SESN1: variants seen among roughly 807,000 people sequenced by gnomAD.
SESN1 encodes the protein sestrin-1.
SESN1 carries 30 observed loss-of-function variants against 59.3 expected under a neutral mutation model. That is an observed-to-expected ratio of 0.51 (90% CI 0.38 to 0.69). SESN1 has a LOEUF of 0.69. Among genes scored for constraint, SESN1 ranks in the 30% least tolerant of loss-of-function variants. The pLI, the probability that SESN1 is intolerant of heterozygous loss-of-function variation, is 0.00. For missense variants in SESN1, 566 were observed against 673.0 expected, an observed-to-expected ratio of 0.84 and a Z score of 1.76; for synonymous variants, 197 against 219.9, an observed-to-expected ratio of 0.90 and a Z score of 0.92.
chr6:109,001,144 AAT>A lies in SESN1; in HGVS notation c.546+142_546+143del. Reference sequence around the variant, plus strand: ...ATACTTGAGAGCGTACTTATTTAAAAATAGGAAAAACAGAGACTGTGCAACAG... The same window carrying A: ...ATACTTGAGAGCGTACTTATTTAAAAAGGAAAAACAGAGACTGTGCAACAG... On this transcript the variant is annotated intron_variant, in intron 3 of 9. Transcript: ENST00000436639. The A allele has an allele frequency of 6.9e-6, 5 of 729,036 alleles. No homozygotes were observed. In the South Asian group the frequency reaches 1.0e-4, roughly 15 times the overall value. 45.2% of individuals were successfully genotyped at this position (729,036 alleles called of 1,614,324 possible). A position where few individuals can be genotyped will look rare whatever the true frequency, so the allele number is the denominator to read the frequency against.
At chr6:109,035,470 C>T (rs1312623649) in intron 1 of SESN1, among the ~76,000 whole-genome samples, 2 of 151,640 alleles carry the variant, frequency 1.3e-5, no homozygotes, top group South Asian at 2.1e-4. Context: ...TAGGAAGAAC[C>T]TTAGTACTGG....
intron 1 of SESN1, among the ~76,000 whole-genome samples, chr6:109,058,072 A>C (rs1420907013): frequency 6.6e-6 from 1 of 151,724 alleles, no homozygotes; most frequent in African/African-American, 2.4e-5. Context: ...CTATGTTTAG[A>C]TATATTAATT....
In SESN1 at chr6:108,992,865, A is replaced by G. The variant is rs769126190; in HGVS notation, c.1155T>C (p.Ser385=). The G allele has an allele frequency of 2.8e-5, 45 of 1,613,418 alleles. No homozygotes were observed. Among genetic ancestry groups the G allele is most frequent in the Non-Finnish European group, 3.5e-5 (41 of 1,179,634 alleles). The change falls in exon 7 of 10, where the codon TCT becomes TCC. Residue 385 remains serine, a synonymous_variant. Transcript: ENST00000436639. The part of the protein sequence containing the change: ...DEEVTPARAV[S]RHFEDTSYGY... ...CATAACTAGTATCCTCAAAATGACG[A>G]GATACAGCTCTTGCTGGTGTAACTT...
At position 108,986,932 on chromosome 6, in the gene SESN1, T is replaced by C. The variant is rs1239750929; in HGVS notation, c.*612A>G. ...GAATTTAAAAAACTAATGAAAGAAA[T>C]TAACTGTTACCATCAAAATGGTTGT... On this transcript the variant is annotated 3_prime_UTR_variant, in exon 10 of 10. Coordinates refer to ENST00000436639, the MANE Select transcript of SESN1 (RefSeq NM_014454.3). 2 of 152,614 alleles carry C rather than the reference T, an allele frequency of 1.3e-5. No individual in the cohort carries two copies. The highest frequency in any genetic ancestry group is 2.9e-5 in the Non-Finnish European group (2 of 68,044). 9.5% of individuals were successfully genotyped at this position (152,614 alleles called of 1,614,324 possible).
intron 6 of SESN1, among the ~76,000 whole-genome samples, chr6:108,994,194 G>A (rs551091960): frequency 4.7e-5 from 7 of 147,740 alleles, no homozygotes; most frequent in Non-Finnish European, 1.0e-4. Flanking sequence ...TATGTTAAGT[G>A]ACTAAGCCAA....
At chr6:109,007,324 G>A (rs1363346464) in intron 1 of SESN1, among the ~76,000 whole-genome samples, 3 of 152,172 alleles carry the variant, frequency 2.0e-5, no homozygotes, top group Non-Finnish European at 2.9e-5. Flanking sequence ...TTATGCATCT[G>A]TATCAATATC....
Position 108,986,261 on chromosome 6 carries a change from A to C in SESN1, c.*1283T>G, listed in dbSNP as rs978333935. Among the ~76,000 whole-genome samples, 1 of 152,186 alleles carries C rather than the reference A, an allele frequency of 6.6e-6. No individual in the cohort carries two copies. Among genetic ancestry groups the C allele is most frequent in the African/African-American group, 2.4e-5 (1 of 41,444 alleles). Reference sequence around the variant, plus strand: ...GCCATACCAGTCATTTCCAAGATAAAAATGGTCTCAGATAAGATTCTAAAG... The same window carrying C: ...GCCATACCAGTCATTTCCAAGATAACAATGGTCTCAGATAAGATTCTAAAG... On this transcript the variant is annotated 3_prime_UTR_variant, in exon 10 of 10. Coordinates refer to ENST00000436639, the MANE Select transcript of SESN1 (RefSeq NM_014454.3).
chr6:108,998,541 A>G lies in SESN1; in HGVS notation c.944T>C (p.Met315Thr), dbSNP rs1328647386. 1.2e-6 allele frequency: 2 copies of G among 1,613,806 alleles called. No individual in the cohort carries two copies. Residue 315 changes from methionine to threonine, a missense_variant, in exon 5 of 10, where the codon ATG becomes ACG. Transcript: ENST00000436639. ...AACATTTTCTGCTGAGTTGACCGGC[A>G]TCTCATCCACACTGTGATTGCCATT... ...ITNGNHSVDE[M>T]PVNSAENVSV... is the part of the protein sequence containing the mutation.
intron 5 of SESN1, among the ~76,000 whole-genome samples, chr6:108,997,379 T>C (rs1206108085): frequency 1.3e-5 from 2 of 152,208 alleles, no homozygotes; most frequent in African/African-American, 4.8e-5. Flanking sequence ...ACTGCCAAGC[T>C]TTGAAAAATA....
At chr6:109,010,880 G>C (rs1035371130) in intron 1 of SESN1, among the ~76,000 whole-genome samples, 6 of 152,142 alleles carry the variant, frequency 3.9e-5, no homozygotes, top group African/African-American at 1.4e-4. Flanking sequence ...AACAAACCCA[G>C]TACATCATGC....
chr6:109,066,221 T>C (rs1780822886), intron 1 of SESN1, among the ~76,000 whole-genome samples: 1 of 151,970 alleles, frequency 6.6e-6, no homozygotes, highest in Non-Finnish European at 1.5e-5. Flanking sequence ...TCTACCAAAC[T>C]CTTTCCCTAG....
chr6:108,996,020 A>G (rs769161830), intron 5 of SESN1, among the ~76,000 whole-genome samples: 11 of 152,136 alleles, frequency 7.2e-5, no homozygotes, highest in African/African-American at 4.8e-5. Context: ...CAGAGGACCA[A>G]TCATAATTTA....
At chr6:109,059,321 T>C (rs1479412743) in intron 1 of SESN1, among the ~76,000 whole-genome samples, 1 of 152,210 alleles carries the variant, frequency 6.6e-6, no homozygotes, top group South Asian at 2.1e-4. Flanking sequence ...AAAAGTGTGA[T>C]AGTTGCTACT....
At chr6:109,009,449 G>T in intron 1 of SESN1, 1 of 1,340,120 alleles carries the variant, frequency 7.5e-7, no homozygotes, top group Non-Finnish European at 9.6e-7. Flanking sequence ...TCGCGGCGGC[G>T]GCCAAGCGCA....
chr6:108,990,507 T>A (rs1178360989), intron 8 of SESN1, 138 bp downstream of exon 8: 5 of 768,328 alleles, frequency 6.5e-6, no homozygotes, highest in African/African-American at 3.5e-5. Flanking sequence ...CTTTGAAGCA[T>A]AAATAGCATA....
At position 109,061,492 on chromosome 6, in the gene SESN1, C is replaced by T. The variant is rs187220199; in HGVS notation, c.279+32303G>A. On this transcript the variant is annotated intron_variant, in intron 1 of 9. Coordinates refer to ENST00000436639, the MANE Select transcript of SESN1 (RefSeq NM_014454.3). ...TTTTGGGATATGCAATAAACTTGAT[C>T]TTCATCTTCCTCTTTTAAATTAATT... Among the ~76,000 whole-genome samples, 278 of 152,270 alleles carry T rather than the reference C, an allele frequency of 1.8e-3. 1 individual carries two copies. The highest frequency in any genetic ancestry group is 5.7e-3 in the African/African-American group (237 of 41,550).
chr6:109,030,378 G>A (rs1017568835), intron 1 of SESN1, among the ~76,000 whole-genome samples: 1 of 152,244 alleles, frequency 6.6e-6, no homozygotes, highest in Non-Finnish European at 1.5e-5. Flanking sequence ...ATGTAAAGGT[G>A]TAGATTGCTA....
At chr6:109,069,910 A>G (rs763875622) in intron 1 of SESN1, among the ~76,000 whole-genome samples, 2 of 152,158 alleles carry the variant, frequency 1.3e-5, no homozygotes, top group Non-Finnish European at 2.9e-5. Flanking sequence ...TAAAAAACAT[A>G]GCAATGAATT....
intron 1 of SESN1, among the ~76,000 whole-genome samples, chr6:109,068,776 A>G (rs1780878031): frequency 6.7e-6 from 1 of 148,874 alleles, no homozygotes; most frequent in South Asian, 2.1e-4. Context: ...GCTGAAGTGC[A>G]GTGGTACGAT....
Sources: allele counts gnomAD v4.1 joint callset (sites outside exome capture counted in the v4.1 genomes callset), GRCh38; gene constraint gnomAD v4.1.1; transcripts MANE v1.5; gene names NCBI Gene and HGNC (gene_info 2026-07-23, HGNC 2026-07-21).